The following SOX6 variants were observed in gnomAD, a reference collection of about 807,000 sequenced individuals.
SOX6 encodes the protein SRY-box transcription factor 6, also known as transcription factor SOX-6.
SOX6 carries 11 observed loss-of-function variants against 97.8 expected under a neutral mutation model. The observed-to-expected ratio is 0.11, with a 90% CI of 0.07 to 0.19. The LOEUF is 0.19. Ranked by LOEUF, SOX6 falls within the 10% of genes least tolerant of loss-of-function variation. The pLI is 1.00. For missense variants in SOX6, 810 were observed against 1,039.5 expected (o/e 0.78, Z 3.04); for synonymous variants, 360 against 371.4 (o/e 0.97, Z 0.35).
intron 3 of SOX6, among the ~76,000 whole-genome samples, chr11:16,652,870 A>G: frequency 6.6e-6 from 1 of 152,228 alleles, no homozygotes; most frequent in East Asian, 1.9e-4. Flanking sequence ...TGCATCCAAC[A>G]AAGGACTGAT....
chr11:16,113,246 A>G (rs2133996657), intron 6 of SOX6, among the ~76,000 whole-genome samples: 1 of 152,348 alleles, frequency 6.6e-6, no homozygotes, highest in Admixed American at 6.5e-5. Flanking sequence ...ATAAAGGGCA[A>G]GCAAAAAATA....
chr11:16,104,600 C>T (rs185053131), intron 7 of SOX6, among the ~76,000 whole-genome samples: 244 of 151,870 alleles, frequency 1.6e-3, no homozygotes, highest in African/African-American at 4.8e-3. Flanking sequence ...CACACATACA[C>T]ACACACACAC....
chr11:16,241,552 C>G (rs1029566089), intron 3 of SOX6, among the ~76,000 whole-genome samples: 5 of 151,936 alleles, frequency 3.3e-5, no homozygotes, highest in African/African-American at 1.2e-4. Context: ...ATTTCTGTAT[C>G]CAGTGTGTCC....
intron 3 of SOX6, among the ~76,000 whole-genome samples, chr11:16,305,545 C>CCAAATAAATGAAAATTA (rs1855403292): frequency 6.6e-6 from 1 of 152,130 alleles, no homozygotes; most frequent in East Asian, 1.9e-4. Flanking sequence ...CAATTGTACT[C>CCAAATAAATGAAAATTA]TTGGGTACTA....
At chr11:16,018,387 T>G (rs1447269916) in intron 12 of SOX6, among the ~76,000 whole-genome samples, 1 of 152,052 alleles carries the variant, frequency 6.6e-6, no homozygotes, top group African/African-American at 2.4e-5. Context: ...AATTTTGTCT[T>G]TGCATGGGTG....
chr11:16,483,346 C>CT (rs1319532623), intron 4 of SOX6, among the ~76,000 whole-genome samples: 4 of 149,470 alleles, frequency 2.7e-5, no homozygotes, highest in African/African-American at 7.3e-5. Context: ...CAAGATAAAT[C>CT]TTTTTTTTTT....
intron 6 of SOX6, among the ~76,000 whole-genome samples, chr11:16,139,481 T>C (rs923745106): frequency 6.6e-6 from 1 of 152,224 alleles, no homozygotes; most frequent in Non-Finnish European, 1.5e-5. Flanking sequence ...TTCAATAGGA[T>C]AAATCCATTA....
chr11:16,322,374 C>A (rs556401037), intron 2 of SOX6, among the ~76,000 whole-genome samples: 8 of 152,216 alleles, frequency 5.3e-5, no homozygotes, highest in Non-Finnish European at 8.8e-5. Flanking sequence ...ACATAAGATG[C>A]GCCTGCTTCC....
At chr11:15,993,981 G>A (rs1299326239) in intron 13 of SOX6, among the ~76,000 whole-genome samples, 1 of 152,138 alleles carries the variant, frequency 6.6e-6, no homozygotes, top group Non-Finnish European at 1.5e-5. Flanking sequence ...GGGAATTCTA[G>A]TTAATTCTAT....
At chr11:16,655,223 G>A (rs759649250) in intron 3 of SOX6, among the ~76,000 whole-genome samples, 9 of 152,122 alleles carry the variant, frequency 5.9e-5, no homozygotes, top group Non-Finnish European at 1.3e-4. Context: ...ACTGACGTTT[G>A]GTTCCCTATA....
intron 1 of SOX6, among the ~76,000 whole-genome samples, chr11:16,355,709 C>T (rs1029892394): frequency 5.3e-5 from 8 of 151,720 alleles, no homozygotes; most frequent in South Asian, 2.1e-4. Context: ...AGAAACTAGC[C>T]GTGTATATTG....
intron 3 of SOX6, among the ~76,000 whole-genome samples, chr11:16,687,249 CAG>C (rs1035446896): frequency 7.2e-5 from 11 of 152,182 alleles, no homozygotes; most frequent in African/African-American, 2.7e-4. Flanking sequence ...GGGGAGGCCT[CAG>C]GGAGATTTTA....
At chr11:16,307,128 G>C (rs1224851967) in intron 3 of SOX6, among the ~76,000 whole-genome samples, 1 of 152,168 alleles carries the variant, frequency 6.6e-6, no homozygotes, top group Non-Finnish European at 1.5e-5. Flanking sequence ...AATATAAAAT[G>C]GGGCTTGAAA....
chr11:16,562,225 AC>A (rs1847823834), intron 4 of SOX6, among the ~76,000 whole-genome samples: 1 of 152,170 alleles, frequency 6.6e-6, no homozygotes, highest in African/African-American at 2.4e-5. Flanking sequence ...AAAACCCTGG[AC>A]ACTGTATATA....
At chr11:16,488,141 G>A (rs1264520234) in intron 4 of SOX6, among the ~76,000 whole-genome samples, 1 of 152,166 alleles carries the variant, frequency 6.6e-6, no homozygotes, top group Non-Finnish European at 1.5e-5. Flanking sequence ...TTATCTAAGA[G>A]TCCCAATTCC....
intron 4 of SOX6, among the ~76,000 whole-genome samples, chr11:16,541,535 T>C (rs745627675): frequency 1.3e-5 from 2 of 152,006 alleles, no homozygotes; most frequent in Non-Finnish European, 2.9e-5. Flanking sequence ...AAGCAACCTA[T>C]AGAATGGGAG....
intron 6 of SOX6, among the ~76,000 whole-genome samples, chr11:16,155,644 A>G (rs1214230202): frequency 6.6e-6 from 1 of 152,144 alleles, no homozygotes; most frequent in Admixed American, 6.6e-5. Flanking sequence ...GTGAATCATT[A>G]GCTATTATGT....
At chr11:16,202,498 C>A (rs567823065) in intron 4 of SOX6, among the ~76,000 whole-genome samples, 2 of 152,094 alleles carry the variant, frequency 1.3e-5, no homozygotes, top group Admixed American at 1.3e-4. Flanking sequence ...TTTCCCCATT[C>A]AACAAGATAG....
At chr11:16,285,378 C>G (rs1389506746) in intron 3 of SOX6, among the ~76,000 whole-genome samples, 1 of 151,896 alleles carries the variant, frequency 6.6e-6, no homozygotes, top group Non-Finnish European at 1.5e-5. Flanking sequence ...ACCAAAAAGA[C>G]AAAAAATTAG....
Sources: gnomAD v4.1 joint callset for allele counts (sites outside exome capture counted in the v4.1 genomes callset) on GRCh38, gnomAD v4.1.1 for gene constraint, MANE v1.5 for transcripts, NCBI Gene and HGNC (gene_info 2026-07-23, HGNC 2026-07-21) for gene names.